Variants in ZCCHC2 observed in about 807,000 individuals in gnomAD.
ZCCHC2 encodes zinc finger CCHC domain-containing protein 2.
ZCCHC2 carries 39 observed loss-of-function variants against 103.6 expected under a neutral mutation model. The observed-to-expected ratio is 0.38, with a 90% CI of 0.29 to 0.49. The LOEUF is 0.49. Among genes scored for constraint, ZCCHC2 ranks in the 20% least tolerant of loss-of-function variants. ZCCHC2 has a pLI of 0.96. For synonymous variants in ZCCHC2, 687 were observed against 608.9 expected, an observed-to-expected ratio of 1.13 and a Z score of -1.89; for missense variants, 1,483 against 1,491.0, an observed-to-expected ratio of 0.99 and a Z score of 0.09.
chr18:62,553,214 C>T (rs1209635575), intron 5 of ZCCHC2, among the ~76,000 whole-genome samples: 1 of 145,804 alleles, frequency 6.9e-6, no homozygotes, highest in Non-Finnish European at 1.5e-5. Context: ...ATTTCCTTTA[C>T]TATCCAAATG....
chr18:62,558,610 TAA>T, intron 6 of ZCCHC2, 75 bp from the exon 7 acceptor site: 1 of 895,370 alleles, frequency 1.1e-6, no homozygotes, highest in Non-Finnish European at 1.6e-6. Flanking sequence ...TTTCCTTAGG[TAA>T]AAAAACAATT....
At chr18:62,558,290 C>G (rs1322291805) in intron 6 of ZCCHC2, among the ~76,000 whole-genome samples, 1 of 152,184 alleles carries the variant, frequency 6.6e-6, no homozygotes, top group African/African-American at 2.4e-5. Context: ...AACAATTTGA[C>G]AGTGCCACGT....
chr18:62,544,475 A>G (rs1426978995), intron 3 of ZCCHC2, among the ~76,000 whole-genome samples: 3 of 152,240 alleles, frequency 2.0e-5, no homozygotes, highest in Non-Finnish European at 1.5e-5. Context: ...TTGTACTGTC[A>G]AAAGTGTCAT....
chr18:62,549,119 T>C (rs1034001038), intron 4 of ZCCHC2, among the ~76,000 whole-genome samples: 1 of 150,526 alleles, frequency 6.6e-6, no homozygotes, highest in African/African-American at 2.5e-5. Context: ...CTCGGGAGGC[T>C]GAGGCAGGAG....
At chr18:62,579,602 A>C (rs1418874313), downstream of ZCCHC2, among the ~76,000 whole-genome samples, 4 of 152,336 alleles carry the variant, frequency 2.6e-5, no homozygotes, top group East Asian at 7.7e-4. Context: ...ATGCACCTAT[A>C]GGTAACGTGT....
intron 11 of ZCCHC2, among the ~76,000 whole-genome samples, chr18:62,566,697 G>A (rs1164578345): frequency 6.6e-6 from 1 of 152,174 alleles, no homozygotes; most frequent in African/African-American, 2.4e-5. Flanking sequence ...GTGGACGTTG[G>A]TCAGAGACAG....
chr18:62,548,063 G>A (rs188848474), intron 4 of ZCCHC2, among the ~76,000 whole-genome samples: 1 of 152,218 alleles, frequency 6.6e-6, no homozygotes, highest in Non-Finnish European at 1.5e-5. Context: ...ATTATCCGTT[G>A]GTCTCAGTGT....
At chr18:62,532,585 TC>T (rs1438262827) in intron 1 of ZCCHC2, among the ~76,000 whole-genome samples, 1 of 152,218 alleles carries the variant, frequency 6.6e-6, no homozygotes, top group African/African-American at 2.4e-5. Context: ...CCCCTTTCAT[TC>T]TAGGCTGGGT....
At chr18:62,536,097 G>C (rs1323612428) in intron 1 of ZCCHC2, among the ~76,000 whole-genome samples, 9 of 152,152 alleles carry the variant, frequency 5.9e-5, no homozygotes, top group African/African-American at 1.7e-4. Flanking sequence ...AGGATGTCCA[G>C]CTACTTGGCT....
chr18:62,550,342 T>C lies in ZCCHC2; in HGVS notation c.1201-6T>C. The C allele has an allele frequency of 1.2e-6, 2 of 1,607,486 alleles. No individual in the cohort carries two copies. The highest frequency in any genetic ancestry group is 1.7e-6 in the Non-Finnish European group (2 of 1,175,544). On this transcript the variant is annotated splice_region_variant and splice_polypyrimidine_tract_variant and intron_variant, in intron 4 of 13. Transcript: ENST00000269499. ...AACATTGGATATTGTGGTTTTTCTT[T>C]TCTAGCTTCCAAAGGAACTGTCTTC... is the stretch of plus-strand genomic sequence containing the variant.
At position 62,550,466 on chromosome 18, in the gene ZCCHC2, G is replaced by T; in HGVS notation, c.1313+6G>T. 3.7e-6 allele frequency: 6 copies of T among 1,601,630 alleles called. No individual in the cohort carries two copies. The highest frequency in any genetic ancestry group is 5.1e-6 in the Non-Finnish European group (6 of 1,170,112). ...GACCTAGAGCCCATCCTAAGGTAAT[G>T]ATTTACCTGACGCCTATCATAGCAG... On this transcript the variant is annotated splice_donor_region_variant and intron_variant, in intron 5 of 13. Coordinates refer to ENST00000269499, the MANE Select transcript of ZCCHC2 (RefSeq NM_017742.6).
chr18:62,570,205 T>G lies in ZCCHC2; in HGVS notation c.1949T>G (p.Phe650Cys), dbSNP rs750834783. 3.7e-6 allele frequency: 6 copies of G among 1,611,758 alleles called. No homozygotes were observed. The highest frequency in any genetic ancestry group is 1.7e-4 in the Middle Eastern group (1 of 6,060). ...CCCCGACATGATGGAAGAGAAAGTT[T>G]TGAAAGTGAAGAAGAGAAAGACAGA... is the stretch of plus-strand genomic sequence containing the variant. Reference protein sequence around the residue: ...SSPRHDGRESFESEEEKDRDT... With the variant: ...SSPRHDGRESCESEEEKDRDT... Residue 650 changes from phenylalanine to cysteine, a missense_variant, in exon 12 of 14, where the codon TTT (phenylalanine) becomes TGT (cysteine). Physicochemically the swap from Phe to Cys is radical, Grantham distance 205. This residue lies in a region of ZCCHC2 where 884 missense variants were observed against 907.5 expected (regional missense o/e 0.97). Coordinates refer to ENST00000269499, the MANE Select transcript of ZCCHC2 (RefSeq NM_017742.6).
At chr18:62,555,035 A>G (rs1915825243) in intron 5 of ZCCHC2, among the ~76,000 whole-genome samples, 1 of 152,226 alleles carries the variant, frequency 6.6e-6, no homozygotes, top group Admixed American at 6.5e-5. Context: ...TTCAAAACTA[A>G]TAGAATGGGA....
At chr18:62,528,224 T>TA (rs532539003) in intron 1 of ZCCHC2, among the ~76,000 whole-genome samples, 202 of 152,380 alleles carry the variant, frequency 1.3e-3, no homozygotes, top group African/African-American at 4.6e-3. Flanking sequence ...TCACAAAACA[T>TA]ATTTGAGTTC....
At chr18:62,540,572 C>G (rs1282403073) in intron 2 of ZCCHC2, among the ~76,000 whole-genome samples, 1 of 151,910 alleles carries the variant, frequency 6.6e-6, no homozygotes, top group Non-Finnish European at 1.5e-5. Context: ...GATCACGGTA[C>G]TCCTATCTTC....
intron 3 of ZCCHC2, 134 bp downstream of exon 3, chr18:62,542,708 T>G: frequency 1.4e-6 from 1 of 739,232 alleles, no homozygotes; most frequent in African/African-American, 1.8e-5. Context: ...TACTGTTTTT[T>G]ATCATATACT....
chr18:62,571,660 A>G (rs1032692900), intron 12 of ZCCHC2, among the ~76,000 whole-genome samples: 10 of 152,340 alleles, frequency 6.6e-5, no homozygotes, highest in Admixed American at 1.3e-4. Context: ...CATGATGACA[A>G]CGTCTGATTG....
chr18:62,553,418 A>AT (rs1401419145), intron 5 of ZCCHC2, among the ~76,000 whole-genome samples: 1 of 151,978 alleles, frequency 6.6e-6, no homozygotes, highest in African/African-American at 2.4e-5. Flanking sequence ...AACTACTACA[A>AT]TGTCCAGGTA....
rs1379748579 is a variant in ZCCHC2, at chr18:62,523,748, G to C, written c.324G>C (p.Ser108=). ...VYEWFGLVLG[S]AQRLEFMCGL... The stretch of plus-strand genomic sequence containing the variant: ...AGTGGTTCGGGCTGGTGCTGGGCTC[G>C]GCGCAGCGCCTGGAGTTCATGTGCG... The change falls in exon 1 of 14, where the codon TCG becomes TCC. Residue 108 remains serine, a synonymous_variant. Transcript: ENST00000269499. 15 of 1,530,012 alleles carry C rather than the reference G, an allele frequency of 9.8e-6. No homozygotes were observed. Among genetic ancestry groups the C allele is most frequent in the African/African-American group, 1.4e-5 (1 of 71,810 alleles). The allele number at this position is 1,530,012 out of a possible 1,614,324, so 94.8% of individuals were successfully genotyped here.
Sources: allele counts gnomAD v4.1 joint callset (sites outside exome capture counted in the v4.1 genomes callset), GRCh38; gene constraint gnomAD v4.1.1; regional missense constraint gnomAD v4.1.1; transcripts MANE v1.5; gene names NCBI Gene and HGNC (gene_info 2026-07-23, HGNC 2026-07-21).